PRELID2: variants seen among roughly 807,000 people sequenced by gnomAD.
The protein encoded by PRELID2 is PRELI domain containing 2.
Under a neutral mutation model 28.4 loss-of-function variants are expected in PRELID2, and 25 were observed. The observed-to-expected ratio is 0.88, with a 90% CI of 0.64 to 1.23. The LOEUF is 1.23. Among genes scored for constraint, PRELID2 ranks in the 50% most tolerant of loss-of-function variants. PRELID2 has a pLI of 0.00. For synonymous variants in PRELID2, 76 were observed against 71.6 expected, an observed-to-expected ratio of 1.06 and a Z score of -0.31; for missense variants, 201 against 214.4, an observed-to-expected ratio of 0.94 and a Z score of 0.39.
chr5:145,344,723 A>G, the PRELID2 span, among the ~76,000 whole-genome samples: 25 of 152,228 alleles, frequency 1.6e-4, no homozygotes, highest in African/African-American at 5.8e-4. Context: ...CTCAAAATCT[A>G]TGCCAGTTAA....
At chr5:145,485,406 G>A (rs1046130760) in intron 1 of PRELID2, among the ~76,000 whole-genome samples, 1 of 152,184 alleles carries the variant, frequency 6.6e-6, no homozygotes, top group Non-Finnish European at 1.5e-5. Context: ...CATACTACTA[G>A]TCAGTGATTC....
chr5:145,785,978 T>C (rs891314283), intron 5 of PRELID2, among the ~76,000 whole-genome samples: 2 of 152,208 alleles, frequency 1.3e-5, no homozygotes, highest in African/African-American at 4.8e-5. Context: ...ATGCAATTCA[T>C]GGCCTGAGCA....
intron 1 of PRELID2, among the ~76,000 whole-genome samples, chr5:145,639,621 T>TA (rs1407538916): frequency 3.3e-5 from 5 of 152,210 alleles, no homozygotes; most frequent in African/African-American, 9.6e-5. Context: ...GCTTCAAACT[T>TA]ACGCTTCTAT....
chr5:145,656,157 G>C (rs529084515), intron 1 of PRELID2, among the ~76,000 whole-genome samples: 1 of 152,092 alleles, frequency 6.6e-6, no homozygotes, highest in South Asian at 2.1e-4. Flanking sequence ...AAAAATGCTC[G>C]TCATCACTGG....
the PRELID2 span, among the ~76,000 whole-genome samples, chr5:145,448,953 TAA>T: frequency 1.3e-5 from 2 of 152,106 alleles, no homozygotes; most frequent in Non-Finnish European, 2.9e-5. Context: ...CAAACTCACT[TAA>T]ATAGAAGGAA....
downstream of PRELID2, among the ~76,000 whole-genome samples, chr5:145,467,936 C>T (rs191347020): frequency 9.7e-4 from 146 of 151,060 alleles, no homozygotes; most frequent in African/African-American, 3.5e-3. Context: ...TTTTATTATA[C>T]TTTAAGTTCT....
At chr5:145,371,162 T>A in the PRELID2 span, among the ~76,000 whole-genome samples, 1 of 152,124 alleles carries the variant, frequency 6.6e-6, no homozygotes. Context: ...TGAATAGCAG[T>A]GGTGAGAAAG....
the PRELID2 span, among the ~76,000 whole-genome samples, chr5:145,231,029 A>T: frequency 6.6e-6 from 1 of 152,210 alleles, no homozygotes; most frequent in Non-Finnish European, 1.5e-5. Flanking sequence ...TATTCAGTTC[A>T]TCAGAAGCAC....
intron 1 of PRELID2, among the ~76,000 whole-genome samples, chr5:145,628,365 C>A (rs1753882080): frequency 6.6e-6 from 1 of 152,106 alleles, no homozygotes; most frequent in Non-Finnish European, 1.5e-5. Flanking sequence ...ACTCTGTCAT[C>A]CAGGCTGGAG....
chr5:145,551,746 CTT>C (rs1489830490), intron 1 of PRELID2, among the ~76,000 whole-genome samples: 2 of 152,124 alleles, frequency 1.3e-5, no homozygotes, highest in Non-Finnish European at 2.9e-5. Context: ...TAAAGAGACT[CTT>C]TACAAAAGTG....
the PRELID2 span, among the ~76,000 whole-genome samples, chr5:145,404,474 G>C: frequency 6.6e-6 from 1 of 152,184 alleles, no homozygotes; most frequent in Non-Finnish European, 1.5e-5. Context: ...ATGTTAGGCA[G>C]AGTGAACACC....
At chr5:145,799,619 G>A (rs1752996642) in intron 4 of PRELID2, among the ~76,000 whole-genome samples, 2 of 152,160 alleles carry the variant, frequency 1.3e-5, no homozygotes, top group Non-Finnish European at 2.9e-5. Context: ...GGAGCCACAA[G>A]TTATCTAAAA....
chr5:145,732,879 G>A (rs1756384352), intron 1 of PRELID2, among the ~76,000 whole-genome samples: 1 of 151,940 alleles, frequency 6.6e-6, no homozygotes, highest in Non-Finnish European at 1.5e-5. Context: ...TAAATACAAG[G>A]ACTAAAAGTG....
the PRELID2 span, among the ~76,000 whole-genome samples, chr5:145,435,945 G>T: frequency 1.3e-5 from 2 of 151,972 alleles, no homozygotes; most frequent in Admixed American, 1.3e-4. Flanking sequence ...TAAAATTTTT[G>T]TTTTTATTTT....
chr5:145,654,080 C>T (rs1390719978), intron 1 of PRELID2, among the ~76,000 whole-genome samples: 1 of 151,964 alleles, frequency 6.6e-6, no homozygotes, highest in African/African-American at 2.4e-5. Context: ...ACCACCGATC[C>T]CACAGAAATA....
Position 145,628,306 on chromosome 5 carries a change from T to C in PRELID2, n.70+136625A>G, listed in dbSNP as rs544001251. 3.9e-4 allele frequency among the ~76,000 whole-genome samples: 60 copies of C among 152,070 alleles called. 1 individual carries two copies. The South Asian group carries it at 8.9e-3, about 23-fold the overall frequency. The stretch of plus-strand genomic sequence containing the variant: ...ATGCTTTCTGGAGAAATCTGAAGGA[T>C]TCTTGAAAAATGCATTCTTTTTTAT... On this transcript the variant is annotated intron_variant and non_coding_transcript_variant, in intron 1 of 2. Coordinates refer to the PRELID2 transcript ENST00000510259.
At chr5:145,241,660 C>T in the PRELID2 span, among the ~76,000 whole-genome samples, 1 of 151,814 alleles carries the variant, frequency 6.6e-6, no homozygotes, top group Non-Finnish European at 1.5e-5. Flanking sequence ...TATATGAGTC[C>T]ATGGGTCATT....
chr5:145,603,010 C>T (rs1753419821), intron 1 of PRELID2, among the ~76,000 whole-genome samples: 1 of 152,052 alleles, frequency 6.6e-6, no homozygotes, highest in South Asian at 2.1e-4. Context: ...CAAGACCGCG[C>T]CATTGCACTC....
chr5:145,823,649 G>A (rs921861539), intron 1 of PRELID2, among the ~76,000 whole-genome samples: 2 of 152,162 alleles, frequency 1.3e-5, no homozygotes, highest in Non-Finnish European at 2.9e-5. Context: ...TTAATACAGA[G>A]TGGACCTCTT....
Sources: gnomAD v4.1 joint callset for allele counts (sites outside exome capture counted in the v4.1 genomes callset) on GRCh38, gnomAD v4.1.1 for gene constraint, MANE v1.5 for transcripts, NCBI Gene and HGNC (gene_info 2026-07-23, HGNC 2026-07-21) for gene names.